Variants in TNRC18 observed in about 807,000 individuals in gnomAD.
The protein encoded by TNRC18 is trinucleotide repeat-containing gene 18 protein.
Under a neutral mutation model 226.7 loss-of-function variants are expected in TNRC18, and 69 were observed. The observed-to-expected ratio is 0.30, with a 90% CI of 0.25 to 0.37. The LOEUF (loss-of-function observed/expected upper bound fraction) is 0.37. Ranked by LOEUF, TNRC18 falls within the 10% of genes least tolerant of loss-of-function variation. TNRC18 has a pLI of 1.00. For missense variants in TNRC18, 4,754 were observed against 4,256.6 expected, an observed-to-expected ratio of 1.12 and a Z score of -3.25; for synonymous variants, 2,449 against 1,927.6, an observed-to-expected ratio of 1.27 and a Z score of -7.09.
chr7:5,387,533 G>C (rs181453125), intron 5 of TNRC18, 139 bp downstream of exon 5: 30 of 1,247,996 alleles, frequency 2.4e-5, no homozygotes, highest in Non-Finnish European at 3.3e-5. Context: ...GCTCGCAACA[G>C]AACATTCAAG....
chr7:5,376,309 G>A, intron 8 of TNRC18, 85 bp from the exon 9 acceptor site: 3 of 1,197,446 alleles, frequency 2.5e-6, no homozygotes, highest in Non-Finnish European at 3.4e-6. Context: ...AAGCCAGAGA[G>A]GGGCCACACC....
At chr7:5,343,704 G>T (rs1389785534) in intron 18 of TNRC18, among the ~76,000 whole-genome samples, 1 of 152,186 alleles carries the variant, frequency 6.6e-6, no homozygotes, top group Non-Finnish European at 1.5e-5. Context: ...CGGGATTGTA[G>T]GTGTGAGCCA....
At chr7:5,360,154 CTG>C (rs1348584443) in intron 14 of TNRC18, among the ~76,000 whole-genome samples, 2 of 152,132 alleles carry the variant, frequency 1.3e-5, no homozygotes, top group Non-Finnish European at 2.9e-5. Flanking sequence ...GTGTCTTGCA[CTG>C]TGTTAGTGGC....
At chr7:5,356,346 C>T (rs1336472465) in intron 16 of TNRC18, among the ~76,000 whole-genome samples, 1 of 152,080 alleles carries the variant, frequency 6.6e-6, no homozygotes, top group Non-Finnish European at 1.5e-5. Context: ...ATGGGGGTAC[C>T]ACTGTCAGAG....
rs566759641 is a variant in TNRC18 at position 5,319,021 on chromosome 7, C to T, written c.6745+1297G>A. On this transcript the variant is annotated intron_variant, in intron 24 of 29. Transcript: ENST00000430969. ...CAAAAGCGGTTCCCAGGATGAGGGACAGGGAAGGCCCAAGAATCCAGAATG... is the reference window on the plus strand; with the variant it reads ...CAAAAGCGGTTCCCAGGATGAGGGATAGGGAAGGCCCAAGAATCCAGAATG... Among the ~76,000 whole-genome samples the T allele has an allele frequency of 3.3e-5, 5 of 152,302 alleles. No individual in the cohort carries two copies. In the South Asian group the frequency reaches 1.0e-3, roughly 32 times the overall value.
At chr7:5,354,200 T>C (rs1162117267) in intron 16 of TNRC18, among the ~76,000 whole-genome samples, 3 of 151,676 alleles carry the variant, frequency 2.0e-5, no homozygotes, top group Non-Finnish European at 4.4e-5. Flanking sequence ...CAAAACTCCA[T>C]CTCAAAATAA....
chr7:5,326,762 G>A lies in TNRC18; in HGVS notation c.6148-1514C>T, dbSNP rs193037392. Reference sequence around the variant, plus strand: ...GCGGAGGTTGCAGTGAGCCGAGATCGCGCCACCACACTCCAGCCTGGGCAA... The same window carrying A: ...GCGGAGGTTGCAGTGAGCCGAGATCACGCCACCACACTCCAGCCTGGGCAA... On this transcript the variant is annotated intron_variant, in intron 19 of 29. Coordinates refer to ENST00000430969, the MANE Select transcript of TNRC18 (RefSeq NM_001080495.3). 3.5e-3 allele frequency among the ~76,000 whole-genome samples: 524 copies of A among 150,950 alleles called. 1 individual carries two copies. Among genetic ancestry groups the A allele is most frequent in the Non-Finnish European group, 5.5e-3 (373 of 67,806 alleles).
At chr7:5,343,906 C>T (rs1367024864) in intron 18 of TNRC18, among the ~76,000 whole-genome samples, 1 of 152,190 alleles carries the variant, frequency 6.6e-6, no homozygotes, top group Non-Finnish European at 1.5e-5. Flanking sequence ...CCTGCAGTAT[C>T]TCCAAGACAT....
rs935521922 is a variant in TNRC18, at chr7:5,423,794, A to G, written c.-597T>C. On this transcript the variant is annotated 5_prime_UTR_variant, in exon 1 of 30. Coordinates refer to ENST00000430969, the MANE Select transcript of TNRC18 (RefSeq NM_001080495.3). ...TATACAGCCCGGGATTGGAAAAGGT[A>G]CATTACACAACCCCCCTTTCAAGTT... Among the ~76,000 whole-genome samples, 3 of 150,566 alleles carry G rather than the reference A, an allele frequency of 2.0e-5. No homozygotes were observed. The highest frequency in any genetic ancestry group is 7.3e-5 in the African/African-American group (3 of 40,966).
At chr7:5,333,156 G>A (rs1789732934) in intron 18 of TNRC18, 107 bp from the exon 19 acceptor site, 1 of 1,276,532 alleles carries the variant, frequency 7.8e-7, no homozygotes, top group African/African-American at 1.5e-5. Flanking sequence ...CCCGCCAATG[G>A]CAGCGCTTCT....
intron 1 of TNRC18, among the ~76,000 whole-genome samples, chr7:5,422,085 G>C (rs1453783609): frequency 6.6e-6 from 1 of 152,110 alleles, no homozygotes; most frequent in Non-Finnish European, 1.5e-5. Context: ...TTTTAAAGAG[G>C]CTCGTGGTCC....
intron 1 of TNRC18, 99 bp downstream of exon 1, chr7:5,423,342 C>G (rs949620892): frequency 6.6e-6 from 1 of 152,170 alleles, no homozygotes; most frequent in African/African-American, 2.4e-5. Flanking sequence ...GGATCCCCCC[C>G]CGCGCACCCC....
chr7:5,404,687 G>A (rs900904771), intron 2 of TNRC18, among the ~76,000 whole-genome samples: 3 of 152,002 alleles, frequency 2.0e-5, no homozygotes, highest in African/African-American at 7.2e-5. Flanking sequence ...TTACTGGGAT[G>A]CTCGCTGCAG....
intron 2 of TNRC18, among the ~76,000 whole-genome samples, chr7:5,406,033 A>G (rs1316725720): frequency 6.6e-6 from 1 of 152,214 alleles, no homozygotes; most frequent in Non-Finnish European, 1.5e-5. Context: ...CCATCTACAA[A>G]TCGATAAACA....
intron 17 of TNRC18, among the ~76,000 whole-genome samples, chr7:5,348,350 G>T (rs1358547553): frequency 2.0e-5 from 3 of 152,298 alleles, no homozygotes; most frequent in South Asian, 4.1e-4. Context: ...AGGGCTGGAA[G>T]GTGGCCCCTT....
rs1203652662 is a variant in TNRC18 at position 5,316,090 on chromosome 7, G to A, written c.6746-18C>T. 6.3e-7 allele frequency: 1 copy of A among 1,599,202 alleles called. No homozygotes were observed. The highest frequency in any genetic ancestry group is 1.1e-5 in the South Asian group (1 of 89,890). Reference sequence around the variant, plus strand: ...CAGTAACCCTGTGGGAAGAGGGGAGGCTCAGGGGAGGCCCTCGGACCTCCA... The same window carrying A: ...CAGTAACCCTGTGGGAAGAGGGGAGACTCAGGGGAGGCCCTCGGACCTCCA... On this transcript the variant is annotated intron_variant, in intron 24 of 29. Transcript: ENST00000430969.
In TNRC18 at chr7:5,309,180, G is replaced by A. The variant is rs183471188; in HGVS notation, c.8577C>T (p.Phe2859=). ...GNNMVVRVKW[F]YHPEETSPGK... is the part of the protein sequence containing the mutation. ...CCGGGCTGGTCTCCTCGGGGTGGTA[G>A]AACCACTTGACGCGGACCACCATGT... Residue 2859 remains phenylalanine (F), a synonymous_variant, in exon 28 of 30, where the codon TTC becomes TTT. Transcript: ENST00000430969. This position sits in a 1 kb window ranked among gnomAD's most constrained non-coding sequence, Gnocchi z 5.7. 1.1e-3 allele frequency: 1,700 copies of A among 1,613,014 alleles called. 15 individuals carry two copies. The African/African-American group carries it at 0.02, about 19-fold the overall frequency.
Position 5,345,544 on chromosome 7 carries a change from C to A in TNRC18, c.5719+18G>T. The stretch of plus-strand genomic sequence containing the variant: ...CCCTCCCACCCACCCCCACCGCAGC[C>A]CACCTGCTGCCACTTACCCAGCAGG... On this transcript the variant is annotated intron_variant, in intron 18 of 29. Coordinates refer to ENST00000430969, the MANE Select transcript of TNRC18 (RefSeq NM_001080495.3). 1 of 1,423,604 alleles carries A rather than the reference C, an allele frequency of 7.0e-7. No individual in the cohort carries two copies. Among genetic ancestry groups the A allele is most frequent in the Non-Finnish European group, 9.3e-7 (1 of 1,079,986 alleles). 88.2% of individuals were successfully genotyped at this position (1,423,604 alleles called of 1,614,324 possible). A position where few individuals can be genotyped will look rare whatever the true frequency, so the allele number is the denominator to read the frequency against.
rs796850397 is a variant in TNRC18, at chr7:5,312,049, T to C, written c.8388+454A>G. Among the ~76,000 whole-genome samples the C allele has an allele frequency of 3.6e-4, 55 of 151,882 alleles. 1 individual carries two copies. The highest frequency in any genetic ancestry group is 1.2e-3 in the African/African-American group (51 of 41,400). ...TACTTGGGAGGCTGACGCAGGAGAA[T>C]TGCTTGAACCCGGGAGGCAGAGGGT... On this transcript the variant is annotated intron_variant, in intron 27 of 29. Coordinates refer to ENST00000430969, the MANE Select transcript of TNRC18 (RefSeq NM_001080495.3). The surrounding 1 kb of genome is among the most constrained non-coding windows in gnomAD (Gnocchi z 6.3).
Sources: allele counts gnomAD v4.1 joint callset (sites outside exome capture counted in the v4.1 genomes callset), GRCh38; gene constraint gnomAD v4.1.1; non-coding constraint Gnocchi (gnomAD v3.1); transcripts MANE v1.5; gene names NCBI Gene and HGNC (gene_info 2026-07-23, HGNC 2026-07-21).